PLXNA2: variants seen among roughly 807,000 people sequenced by gnomAD.
PLXNA2 encodes the protein plexin-A2.
Under a neutral mutation model 193.5 loss-of-function variants are expected in PLXNA2, and 91 were observed. That is an observed-to-expected ratio of 0.47 (90% confidence interval 0.40 to 0.56). The LOEUF (loss-of-function observed/expected upper bound fraction) is 0.56, where lower values mean the gene tolerates loss of function less well. Among genes scored for constraint, PLXNA2 ranks in the 20% least tolerant of loss-of-function variants. The pLI is 0.00. For missense variants in PLXNA2, 1,995 were observed against 2,503.2 expected (o/e 0.80, Z 4.33); for synonymous variants, 997 against 1,027.3 (o/e 0.97, Z 0.56).
chr1:208,104,925 T>C (rs1486765010), intron 4 of PLXNA2, among the ~76,000 whole-genome samples: 2 of 152,200 alleles, frequency 1.3e-5, no homozygotes, highest in Non-Finnish European at 2.9e-5. Flanking sequence ...TTTGAAATAG[T>C]TCAAGTGTGA....
At chr1:208,214,511 C>T (rs867307840) in intron 2 of PLXNA2, among the ~76,000 whole-genome samples, 5 of 152,184 alleles carry the variant, frequency 3.3e-5, no homozygotes, top group South Asian at 2.1e-4. Context: ...GGAATAGAAG[C>T]GTAGCCTTGG....
rs763194019 is a variant in PLXNA2, at chr1:208,033,309, G to C, written c.5055+10C>G. The C allele has an allele frequency of 6.2e-6, 10 of 1,608,890 alleles. No homozygotes were observed. In the South Asian group the frequency reaches 1.0e-4, roughly 16 times the overall value. On this transcript the variant is annotated intron_variant, in intron 28 of 31. Coordinates refer to ENST00000367033, the MANE Select transcript of PLXNA2 (RefSeq NM_025179.4). ...CAAGCACTCCCTGGTCTGGGCAGAG[G>C]GGGAGTTACCTTGGTGGCCAGTAGC...
chr1:208,224,657 C>T (rs577413004), intron 1 of PLXNA2, among the ~76,000 whole-genome samples: 2 of 151,902 alleles, frequency 1.3e-5, no homozygotes, highest in African/African-American at 4.8e-5. Flanking sequence ...AGACTCTGTG[C>T]GGTTATGTGA....
chr1:208,121,016 T>C (rs1478295795), intron 4 of PLXNA2, among the ~76,000 whole-genome samples: 1 of 152,184 alleles, frequency 6.6e-6, no homozygotes, highest in Non-Finnish European at 1.5e-5. Context: ...ATGTCACCCA[T>C]GTAGATTTCC....
intron 4 of PLXNA2, among the ~76,000 whole-genome samples, chr1:208,121,954 C>T (rs1667818888): frequency 6.6e-6 from 1 of 152,174 alleles, no homozygotes; most frequent in Non-Finnish European, 1.5e-5. Context: ...ATGTCCCACA[C>T]AGTCATGGAC....
intron 3 of PLXNA2, among the ~76,000 whole-genome samples, chr1:208,148,372 C>T (rs946072062): frequency 5.3e-5 from 8 of 152,088 alleles, no homozygotes; most frequent in Admixed American, 2.6e-4. Flanking sequence ...AAAGGCATCA[C>T]CACACAGAAG....
chr1:208,218,045 C>T (rs530191972), intron 1 of PLXNA2, 43 bp from the exon 2 acceptor site: 47 of 1,520,646 alleles, frequency 3.1e-5, no homozygotes, highest in East Asian at 2.0e-4. Context: ...AAATAATTTC[C>T]GGGAGGAGCA....
intron 17 of PLXNA2, among the ~76,000 whole-genome samples, chr1:208,046,914 G>C (rs1368141174): frequency 6.6e-6 from 1 of 151,414 alleles, no homozygotes. Context: ...AGTTAATGTT[G>C]ATTGAATACT....
chr1:208,070,165 C>G (rs1179500398), intron 12 of PLXNA2, among the ~76,000 whole-genome samples: 1 of 152,286 alleles, frequency 6.6e-6, no homozygotes, highest in Non-Finnish European at 1.5e-5. Context: ...TGCTTAGGCA[C>G]TCCAGCCCCT....
At chr1:208,039,313 T>C (rs1434546237) in intron 24 of PLXNA2, among the ~76,000 whole-genome samples, 1 of 152,134 alleles carries the variant, frequency 6.6e-6, no homozygotes, top group African/African-American at 2.4e-5. Flanking sequence ...GTCATGCACT[T>C]CCCCAAAGCC....
intron 28 of PLXNA2, chr1:208,032,231 T>C: frequency 1.5e-6 from 1 of 646,924 alleles, no homozygotes; most frequent in Non-Finnish European, 1.9e-6. Context: ...AAGTGGTATC[T>C]GGAATGTGGA....
intron 4 of PLXNA2, among the ~76,000 whole-genome samples, chr1:208,103,744 C>T (rs1667171615): frequency 6.6e-6 from 1 of 152,226 alleles, no homozygotes; most frequent in Non-Finnish European, 1.5e-5. Context: ...AAATATACCA[C>T]CTGGATCCAA....
chr1:208,110,821 C>T (rs556508837), intron 4 of PLXNA2, among the ~76,000 whole-genome samples: 7 of 152,184 alleles, frequency 4.6e-5, no homozygotes, highest in South Asian at 2.1e-4. Flanking sequence ...GCCCCAAAAG[C>T]GGCCACCGGG....
chr1:208,136,062 G>A (rs1169913338), intron 4 of PLXNA2, among the ~76,000 whole-genome samples: 1 of 152,210 alleles, frequency 6.6e-6, no homozygotes, highest in Non-Finnish European at 1.5e-5. Flanking sequence ...CTAAGGCACT[G>A]TGGTCAACAG....
At chr1:208,127,519 C>T (rs1002424632) in intron 4 of PLXNA2, among the ~76,000 whole-genome samples, 3 of 152,192 alleles carry the variant, frequency 2.0e-5, no homozygotes, top group Admixed American at 1.3e-4. Context: ...CTCCACTTCC[C>T]GAGGTGCACA....
chr1:208,147,282 C>T (rs573395492), intron 3 of PLXNA2, among the ~76,000 whole-genome samples: 5 of 152,244 alleles, frequency 3.3e-5, no homozygotes, highest in African/African-American at 2.4e-5. Context: ...CTCAGCCCCA[C>T]GAAGTGCTAG....
At chr1:208,121,499 G>A (rs1222990641) in intron 4 of PLXNA2, among the ~76,000 whole-genome samples, 1 of 152,148 alleles carries the variant, frequency 6.6e-6, no homozygotes, top group African/African-American at 2.4e-5. Flanking sequence ...CCCTCATGCT[G>A]TTCTCGTGAT....
intron 29 of PLXNA2, chr1:208,029,622 T>A: frequency 1.0e-6 from 1 of 987,458 alleles, no homozygotes; most frequent in South Asian, 4.7e-5. Context: ...GGCGTTCTTG[T>A]ATCTGGGCAG....
At chr1:208,199,518 CCGTCT>C (rs1469149265) in intron 3 of PLXNA2, among the ~76,000 whole-genome samples, 1 of 152,020 alleles carries the variant, frequency 6.6e-6, no homozygotes, top group Non-Finnish European at 1.5e-5. Flanking sequence ...TGTTGAAACC[CCGTCT>C]CTACTAAAAA....
Sources: allele counts gnomAD v4.1 joint callset (sites outside exome capture counted in the v4.1 genomes callset), GRCh38; gene constraint gnomAD v4.1.1; transcripts MANE v1.5; gene names NCBI Gene and HGNC (gene_info 2026-07-23, HGNC 2026-07-21).